LIMCH1: variants seen among roughly 807,000 people sequenced by gnomAD.
LIMCH1 encodes the protein LIM and calponin homology domains 1.
LIMCH1 carries 113 observed loss-of-function variants against 176.5 expected under a neutral mutation model. The ratio of observed to expected loss-of-function variants is 0.64; its 90% CI spans 0.55 to 0.75. LIMCH1 has a LOEUF of 0.75. Among genes scored for constraint, LIMCH1 ranks in the 30% least tolerant of loss-of-function variants. The pLI is 0.00. For missense variants in LIMCH1, 1,674 were observed against 1,814.9 expected (o/e 0.92, Z 1.41); for synonymous variants, 619 against 645.9 (o/e 0.96, Z 0.63).
Position 41,392,078 on chromosome 4 carries a change from A to AT in LIMCH1, c.96+31144dup, listed in dbSNP as rs549962234. Among the ~76,000 whole-genome samples, 462 of 152,274 alleles carry AT rather than the reference A, an allele frequency of 3.0e-3. 3 individuals are homozygous for AT. Among genetic ancestry groups the AT allele is most frequent in the African/African-American group, 0.01 (421 of 41,546 alleles). On this transcript the variant is annotated intron_variant, in intron 1 of 26. Transcript: ENST00000313860. Reference sequence around the variant, plus strand: ...GAACCATGTGATACCTTGAAAGAAGATTAACATGTCAGGTTTTCTTCCAGC... The same window carrying AT: ...GAACCATGTGATACCTTGAAAGAAGATTTAACATGTCAGGTTTTCTTCCAGC...
chr4:41,404,744 G>A (rs544295309), intron 1 of LIMCH1, among the ~76,000 whole-genome samples: 5 of 152,162 alleles, frequency 3.3e-5, no homozygotes, highest in African/African-American at 1.2e-4. Flanking sequence ...GTGCCACTAC[G>A]CTCCAGCCTG....
chr4:41,644,972 ATGACCAACATCAAATG>A (rs1231653889), intron 15 of LIMCH1, among the ~76,000 whole-genome samples: 90 of 152,354 alleles, frequency 5.9e-4, no homozygotes, highest in African/African-American at 2.0e-3. Context: ...AACGATAACA[ATGACCAACATCAAATG>A]TGTACCAGTA....
chr4:41,587,390 T>C (rs926210161), intron 1 of LIMCH1, among the ~76,000 whole-genome samples: 4 of 152,128 alleles, frequency 2.6e-5, no homozygotes, highest in African/African-American at 9.7e-5. Context: ...ATATGGGCCT[T>C]TTCCTGGGAT....
At chr4:41,397,472 G>A (rs2057919700) in intron 1 of LIMCH1, among the ~76,000 whole-genome samples, 1 of 152,024 alleles carries the variant, frequency 6.6e-6, no homozygotes, top group Non-Finnish European at 1.5e-5. Context: ...TTTACATGCA[G>A]TGTTTTTCAG....
chr4:41,681,293 A>G (rs1715564140), intron 25 of LIMCH1, among the ~76,000 whole-genome samples: 1 of 152,108 alleles, frequency 6.6e-6, no homozygotes, highest in African/African-American at 2.4e-5. Context: ...AGCAAGATCT[A>G]TCCCAGTAGT....
chr4:41,524,489 G>A (rs889063882), intron 3 of LIMCH1: 2 of 1,595,008 alleles, frequency 1.3e-6, no homozygotes, highest in Middle Eastern at 1.7e-4. Flanking sequence ...GTGAGTACGT[G>A]GAATTGAGAT....
At chr4:41,689,148 T>C (rs775569800) in intron 29 of LIMCH1, among the ~76,000 whole-genome samples, 1 of 152,106 alleles carries the variant, frequency 6.6e-6, no homozygotes, top group Non-Finnish European at 1.5e-5. Flanking sequence ...TTAAAAGCAA[T>C]ATTGAAACCC....
chr4:41,484,338 T>C (rs2069152224), intron 1 of LIMCH1, among the ~76,000 whole-genome samples: 1 of 152,220 alleles, frequency 6.6e-6, no homozygotes, highest in Admixed American at 6.5e-5. Context: ...CTGACTGACA[T>C]AAAACAGGAA....
intron 1 of LIMCH1, among the ~76,000 whole-genome samples, chr4:41,437,931 CT>C (rs767644752): frequency 9.2e-5 from 14 of 152,182 alleles, no homozygotes; most frequent in Non-Finnish European, 1.8e-4. Context: ...TGGTTTAAGT[CT>C]GGACCCTGCA....
Position 41,685,711 on chromosome 4 carries a change from T to A in LIMCH1, c.3969T>A (p.Asp1323Glu). 1 of 1,613,480 alleles carries A rather than the reference T, an allele frequency of 6.2e-7. No individual in the cohort carries two copies. Among genetic ancestry groups the A allele is most frequent in the South Asian group, 1.1e-5 (1 of 91,054 alleles). The part of the protein sequence containing the change: ...HCGTNPQLAQ[D>E]PSQNQQTSNP... ...TTTATGTTCTTTAATTGGCCTCAGATCCATCCCAGAATCAGCAGACATCAA... is the reference window on the plus strand; with the variant it reads ...TTTATGTTCTTTAATTGGCCTCAGAACCATCCCAGAATCAGCAGACATCAA... Residue 1323 changes from aspartate to glutamate, a missense_variant and splice_region_variant, in exon 28 of 32, where the codon GAT becomes GAA. Transcript: ENST00000503057.
intron 1 of LIMCH1, among the ~76,000 whole-genome samples, chr4:41,581,821 A>AC (rs2085518005): frequency 6.6e-6 from 1 of 150,904 alleles, no homozygotes; most frequent in Non-Finnish European, 1.5e-5. Flanking sequence ...AAAAAAAAAA[A>AC]AAAAAAAAAC....
chr4:41,676,444 A>C lies in LIMCH1; in HGVS notation c.3501A>C (p.Glu1167Asp). ...ERRRQEKWQQEQERLLQERYQ... is the reference protein window; with the variant it reads ...ERRRQEKWQQDQERLLQERYQ... Reference sequence around the variant, plus strand: ...GGCGACAGGAAAAATGGCAACAGGAACAGGAACGTTTGCTCCAGGTAGGAT... The same window carrying C: ...GGCGACAGGAAAAATGGCAACAGGACCAGGAACGTTTGCTCCAGGTAGGAT... The change falls in exon 23 of 32, where the codon GAA becomes GAC. Residue 1167 changes from glutamate (E) to aspartate (D), a missense_variant. By Grantham distance (45) the Glu-to-Asp change is conservative. Coordinates refer to ENST00000503057, the MANE Select transcript of LIMCH1 (RefSeq NM_001330672.2). The C allele has an allele frequency of 6.2e-7, 1 of 1,613,992 alleles. No homozygotes were observed. The highest frequency in any genetic ancestry group is 8.5e-7 in the Non-Finnish European group (1 of 1,179,846).
intron 2 of LIMCH1, among the ~76,000 whole-genome samples, chr4:41,513,991 GAGA>G (rs2075260777): frequency 1.0e-5 from 1 of 100,256 alleles, no homozygotes; most frequent in African/African-American, 4.4e-5. Context: ...GGGTGATAGA[GAGA>G]GACTCCGTCT....
intron 1 of LIMCH1, among the ~76,000 whole-genome samples, chr4:41,430,326 G>A (rs1056382529): frequency 3.9e-5 from 6 of 152,150 alleles, no homozygotes; most frequent in Admixed American, 1.3e-4. Context: ...GCAGTGGTGC[G>A]ATCTTGGCTC....
chr4:41,434,540 A>G (rs369129530), intron 1 of LIMCH1, among the ~76,000 whole-genome samples: 2 of 152,150 alleles, frequency 1.3e-5, no homozygotes, highest in East Asian at 1.9e-4. Flanking sequence ...TTTTCCTGAG[A>G]CAGTCTTGCT....
intron 2 of LIMCH1, among the ~76,000 whole-genome samples, chr4:41,600,829 A>G (rs1174536376): frequency 1.3e-5 from 2 of 152,196 alleles, no homozygotes; most frequent in Non-Finnish European, 1.5e-5. Flanking sequence ...AAGGTGTGGA[A>G]AGAAATCTAA....
chr4:41,454,830 G>A (rs2064341367), intron 1 of LIMCH1, among the ~76,000 whole-genome samples: 1 of 152,148 alleles, frequency 6.6e-6, no homozygotes, highest in African/African-American at 2.4e-5. Flanking sequence ...ATGCTCAGTG[G>A]TGAGAAGATG....
At chr4:41,534,362 G>C (rs2152451848), upstream of LIMCH1, among the ~76,000 whole-genome samples, 1 of 152,280 alleles carries the variant, frequency 6.6e-6, no homozygotes, top group South Asian at 2.1e-4. Flanking sequence ...TTATTTCAGA[G>C]GTTAAAAAAG....
At chr4:41,364,970 C>T (rs1440150232) in intron 1 of LIMCH1, among the ~76,000 whole-genome samples, 1 of 152,070 alleles carries the variant, frequency 6.6e-6, no homozygotes, top group Non-Finnish European at 1.5e-5. Flanking sequence ...TTCCTGATTC[C>T]CCGCTTCTCT....
Sources: gnomAD v4.1 joint callset for allele counts (sites outside exome capture counted in the v4.1 genomes callset) on GRCh38, gnomAD v4.1.1 for gene constraint, MANE v1.5 for transcripts, NCBI Gene and HGNC (gene_info 2026-07-23, HGNC 2026-07-21) for gene names.